The following ZFHX3 variants were observed in gnomAD, a reference collection of about 807,000 sequenced individuals.
ZFHX3 encodes zinc finger homeobox 3, also known as zinc finger homeobox protein 3.
In ZFHX3, 42 loss-of-function variants were observed where a neutral mutation model predicts 279.1. The ratio of observed to expected loss-of-function variants is 0.15; its 90% CI spans 0.12 to 0.19. The LOEUF is 0.19. Among genes scored for constraint, ZFHX3 ranks in the 10% least tolerant of loss-of-function variants. ZFHX3 has a pLI of 1.00. For synonymous variants in ZFHX3, 2,293 were observed against 1,957.8 expected (o/e 1.17, Z -4.52); for missense variants, 4,981 against 4,754.0 (o/e 1.05, Z -1.40).
At position 73,654,012 on chromosome 16, in the gene ZFHX3, G is replaced by A. The variant is rs925098757; in HGVS notation, c.-1547+26168C>T. 5.3e-5 allele frequency among the ~76,000 whole-genome samples: 8 copies of A among 151,864 alleles called. 1 individual carries two copies. Among genetic ancestry groups the A allele is most frequent in the East Asian group, 1.9e-4 (1 of 5,132 alleles). ...ATCCTGGCCAACATGGTGAAACCCC[G>A]TCTCTACTAAAAATACAAAAAATTA... is the stretch of plus-strand genomic sequence containing the variant. On this transcript the variant is annotated intron_variant, in intron 2 of 17. Transcript: ENST00000641206.
intron 2 of ZFHX3, among the ~76,000 whole-genome samples, chr16:73,574,343 G>A (rs1318141750): frequency 6.9e-6 from 1 of 145,010 alleles, no homozygotes; most frequent in African/African-American, 2.8e-5. Flanking sequence ...ATCATTTCTT[G>A]GGCCCCCCCC....
rs1015929854 is a variant in ZFHX3, at chr16:73,753,549, G to A, written c.-1607-73309C>T. Among the ~76,000 whole-genome samples the A allele has an allele frequency of 3.9e-5, 6 of 152,222 alleles. No individual in the cohort carries two copies. The Middle Eastern group carries it at 0.014, about 345-fold the overall frequency. ...GGTTTAAGTGGGTATAAATACAGTT[G>A]CCAACAGCCCATAAGGTGCTGGCTC... On this transcript the variant is annotated intron_variant, in intron 1 of 17. Transcript: ENST00000641206.
At chr16:73,481,378 G>A (rs1261986594) in intron 2 of ZFHX3, among the ~76,000 whole-genome samples, 1 of 151,312 alleles carries the variant, frequency 6.6e-6, no homozygotes, top group Non-Finnish European at 1.5e-5. Context: ...TGCCAGCCAA[G>A]TTGACACATT....
In ZFHX3 at chr16:72,959,858, C is replaced by T; in HGVS notation, c.288G>A (p.Glu96=). Residue 96 remains glutamate, a synonymous_variant, in exon 2 of 10, where the codon GAG becomes GAA. Transcript: ENST00000268489. ...GGGGGCGCGCGCTGGGGCAGTGGTG[C>T]TCCATGTAGGTCTGGAGGCTGGCAA... ...ASFASLQTYM[E]HHCPSARPPP... is the part of the protein sequence containing the mutation. The T allele has an allele frequency of 6.2e-7, 1 of 1,601,190 alleles. No individual in the cohort carries two copies. The highest frequency in any genetic ancestry group is 1.1e-5 in the South Asian group (1 of 89,258).
intron 6 of ZFHX3, among the ~76,000 whole-genome samples, chr16:73,140,728 C>A (rs1966845648): frequency 6.6e-6 from 1 of 152,154 alleles, no homozygotes; most frequent in African/African-American, 2.4e-5. Flanking sequence ...GTGGCAAGTG[C>A]CTATAGTCCC....
At chr16:72,813,283 A>G (rs546554504) in intron 5 of ZFHX3, among the ~76,000 whole-genome samples, 3 of 152,298 alleles carry the variant, frequency 2.0e-5, no homozygotes, top group South Asian at 2.1e-4. Flanking sequence ...AGAAAGCCCA[A>G]TTTTTATTCC....
chr16:73,487,053 G>T (rs1330694706), intron 2 of ZFHX3, among the ~76,000 whole-genome samples: 2 of 152,180 alleles, frequency 1.3e-5, no homozygotes, highest in African/African-American at 2.4e-5. Flanking sequence ...GATGGAAAAT[G>T]GTATGAGAGA....
At chr16:73,510,017 C>T (rs148970918) in intron 2 of ZFHX3, among the ~76,000 whole-genome samples, 68 of 152,302 alleles carry the variant, frequency 4.5e-4, no homozygotes, top group African/African-American at 1.5e-3. Context: ...CAAACATGCT[C>T]AGCATCGTCC....
At chr16:72,815,733 G>A (rs1231182486) in intron 5 of ZFHX3, among the ~76,000 whole-genome samples, 2 of 152,208 alleles carry the variant, frequency 1.3e-5, no homozygotes, top group Admixed American at 6.5e-5. Context: ...AGCCTGCGAT[G>A]ATGTCACATA....
chr16:72,897,052 T>C (rs765220117), intron 3 of ZFHX3, among the ~76,000 whole-genome samples: 80 of 152,322 alleles, frequency 5.3e-4, no homozygotes, highest in African/African-American at 1.4e-3. Flanking sequence ...AGGTGCTTCC[T>C]GCCCAGCAGA....
At chr16:73,683,590 G>A (rs570981883) in intron 1 of ZFHX3, among the ~76,000 whole-genome samples, 3 of 152,166 alleles carry the variant, frequency 2.0e-5, no homozygotes, top group South Asian at 2.1e-4. Flanking sequence ...TGCCAAGGCT[G>A]GAGTGCAATG....
At chr16:73,163,381 G>A (rs1359531099) in intron 5 of ZFHX3, among the ~76,000 whole-genome samples, 1 of 152,190 alleles carries the variant, frequency 6.6e-6, no homozygotes, top group Non-Finnish European at 1.5e-5. Context: ...CAGATTAGGG[G>A]CTACAAGCTG....
At chr16:72,931,542 A>G (rs1290090421) in intron 3 of ZFHX3, among the ~76,000 whole-genome samples, 1 of 150,366 alleles carries the variant, frequency 6.7e-6, no homozygotes, top group Non-Finnish European at 1.5e-5. Flanking sequence ...ACGTACCGAC[A>G]GGGAAGAGGA....
At chr16:73,452,079 T>C (rs1265076739) in intron 3 of ZFHX3, among the ~76,000 whole-genome samples, 1 of 152,102 alleles carries the variant, frequency 6.6e-6, no homozygotes, top group Non-Finnish European at 1.5e-5. Context: ...TGGGAATCAG[T>C]GGGAGAGGCA....
chr16:73,076,991 T>C (rs377159039), intron 8 of ZFHX3, among the ~76,000 whole-genome samples: 17 of 152,236 alleles, frequency 1.1e-4, no homozygotes, highest in African/African-American at 2.9e-4. Context: ...ACTCAGAGGA[T>C]CTTCTAGGGG....
chr16:73,343,253 T>C (rs1415281865), intron 3 of ZFHX3, among the ~76,000 whole-genome samples: 1 of 152,064 alleles, frequency 6.6e-6, no homozygotes, highest in African/African-American at 2.4e-5. Flanking sequence ...ATATACATTC[T>C]GTCCATTAAA....
At chr16:73,542,124 A>G (rs1421217258) in intron 2 of ZFHX3, among the ~76,000 whole-genome samples, 2 of 152,050 alleles carry the variant, frequency 1.3e-5, no homozygotes, top group African/African-American at 4.8e-5. Flanking sequence ...TTTTAGCTTA[A>G]TGTGGTGACA....
At chr16:73,623,101 A>T (rs1471662972) in intron 2 of ZFHX3, among the ~76,000 whole-genome samples, 1 of 151,580 alleles carries the variant, frequency 6.6e-6, no homozygotes, top group African/African-American at 2.4e-5. Flanking sequence ...CAGTGGCGCT[A>T]TCTCGGCTCA....
At chr16:73,239,981 G>A (rs550334640) in intron 5 of ZFHX3, among the ~76,000 whole-genome samples, 7 of 151,528 alleles carry the variant, frequency 4.6e-5, no homozygotes, top group Non-Finnish European at 1.0e-4. Context: ...ACAGAGCCTC[G>A]TTTTATGTGT....
Sources: gnomAD v4.1 joint callset for allele counts (sites outside exome capture counted in the v4.1 genomes callset) on GRCh38, gnomAD v4.1.1 for gene constraint, MANE v1.5 for transcripts, NCBI Gene and HGNC (gene_info 2026-07-23, HGNC 2026-07-21) for gene names.